LMO3: variants seen among roughly 807,000 people sequenced by gnomAD.
LMO3 encodes the protein LIM domain only protein 3.
A neutral mutation model predicts 15.8 loss-of-function variants in LMO3; 2 were observed. The ratio of observed to expected loss-of-function variants is 0.13; its 90% CI spans 0.05 to 0.40. The LOEUF (loss-of-function observed/expected upper bound fraction) is 0.40. LMO3 is among the 10% of genes least tolerant of loss of function. The pLI is 0.99. For synonymous variants in LMO3, 62 were observed against 63.8 expected, an observed-to-expected ratio of 0.97 and a Z score of 0.13; for missense variants, 86 against 182.2, an observed-to-expected ratio of 0.47 and a Z score of 3.04.
chr12:16,569,840 A>T (rs1942751061), intron 2 of LMO3, among the ~76,000 whole-genome samples: 2 of 152,300 alleles, frequency 1.3e-5, no homozygotes, highest in South Asian at 4.1e-4. Flanking sequence ...AAAATAAAGG[A>T]TAACACATAT....
In LMO3 at chr12:16,560,607, G is replaced by GA; in HGVS notation, c.207-70dup. On this transcript the variant is annotated intron_variant, in intron 2 of 3. Transcript: ENST00000537304. The surrounding 1 kb of genome is among the most constrained non-coding windows in gnomAD (Gnocchi z 5.0). ...GAAATCTGAGATCGTGAAGAGAGAT[G>GA]ATGTTAATATACTCTGTAAAGCTAC... 7.1e-7 allele frequency: 1 copy of GA among 1,401,298 alleles called. No homozygotes were observed. The highest frequency in any genetic ancestry group is 1.0e-6 in the Non-Finnish European group (1 of 1,004,258). The allele number at this position is 1,401,298 out of a possible 1,614,324, so 86.8% of individuals were successfully genotyped here. A position where few individuals can be genotyped will look rare whatever the true frequency, so the allele number is the denominator to read the frequency against.
At chr12:16,558,422 C>T (rs1350696562) in intron 3 of LMO3, among the ~76,000 whole-genome samples, 1 of 151,998 alleles carries the variant, frequency 6.6e-6, no homozygotes, top group Non-Finnish European at 1.5e-5. Flanking sequence ...AGTTGATCAA[C>T]ATGACAAGTC....
rs576570416 is a variant in LMO3, at chr12:16,584,134, G to A, written c.206+16521C>T. 7.2e-5 allele frequency among the ~76,000 whole-genome samples: 11 copies of A among 152,230 alleles called. No homozygotes were observed. In the South Asian group the frequency reaches 2.1e-3, roughly 29 times the overall value. On this transcript the variant is annotated intron_variant, in intron 2 of 3. Transcript: ENST00000537304. This position sits in a 1 kb window ranked among gnomAD's most constrained non-coding sequence, Gnocchi z 5.2. ...AGCCTTTTAGAATCCCTAGAATTGT[G>A]GTAAGAGGGAAATGACAGCAGTGAG...
intron 2 of LMO3, among the ~76,000 whole-genome samples, chr12:16,578,025 T>C (rs1212177367): frequency 6.6e-6 from 1 of 152,232 alleles, no homozygotes. Context: ...TGGAATTAGA[T>C]GTACAATGGA....
intron 3 of LMO3, among the ~76,000 whole-genome samples, chr12:16,553,905 A>G (rs1400675906): frequency 6.6e-6 from 1 of 151,868 alleles, no homozygotes; most frequent in East Asian, 1.9e-4. Context: ...AGTGATAGCC[A>G]GAGGATACTG....
chr12:16,566,353 G>A (rs780245338), intron 2 of LMO3, among the ~76,000 whole-genome samples: 24 of 151,672 alleles, frequency 1.6e-4, no homozygotes, highest in Non-Finnish European at 3.1e-4. Flanking sequence ...GGTGACTATG[G>A]GCAACAGTAA....
chr12:16,582,955 GA>G lies in LMO3; in HGVS notation c.206+17699del, dbSNP rs1293385632. Among the ~76,000 whole-genome samples the G allele has an allele frequency of 6.7e-6, 1 of 148,786 alleles. No individual in the cohort carries two copies. The highest frequency in any genetic ancestry group is 1.5e-5 in the Non-Finnish European group (1 of 67,674). On this transcript the variant is annotated intron_variant, in intron 2 of 3. Coordinates refer to ENST00000537304, the MANE Select transcript of LMO3 (RefSeq NM_018640.5). The surrounding 1 kb of genome is among the most constrained non-coding windows in gnomAD (Gnocchi z 4.1). The stretch of plus-strand genomic sequence containing the variant: ...CCAGCTACTCAGGAGGCTAATGCAG[GA>G]AAATCTCTTGAAGCTGGGAGGCAGA...
rs1051631916 is a variant in LMO3 at position 16,596,432 on chromosome 12, A to C, written c.206+4223T>G. Among the ~76,000 whole-genome samples, 1 of 151,680 alleles carries C rather than the reference A, an allele frequency of 6.6e-6. No homozygotes were observed. The highest frequency in any genetic ancestry group is 2.1e-4 in the South Asian group (1 of 4,834). The stretch of plus-strand genomic sequence containing the variant: ...CACATACCACAGCAAACAGCTTTGA[A>C]TAAACTCTGGCAAGATATCATTCAT... On this transcript the variant is annotated intron_variant, in intron 2 of 3. Transcript: ENST00000537304. The surrounding 1 kb of genome is among the most constrained non-coding windows in gnomAD (Gnocchi z 4.3).
At chr12:16,600,948 T>G in intron 1 of LMO3, 80 bp from the exon 2 acceptor site, 1 of 1,004,438 alleles carries the variant, frequency 1.0e-6, no homozygotes. Context: ...AAATATTTAA[T>G]ATTTCCTTAT....
intron 3 of LMO3, among the ~76,000 whole-genome samples, chr12:16,556,879 AC>A (rs1321588379): frequency 6.6e-6 from 1 of 152,218 alleles, no homozygotes; most frequent in African/African-American, 2.4e-5. Flanking sequence ...CATAACCGGC[AC>A]TAAAGATATG....
intron 2 of LMO3, among the ~76,000 whole-genome samples, chr12:16,564,481 C>CAT (rs1451730517): frequency 1.1e-4 from 17 of 152,312 alleles, no homozygotes; most frequent in African/African-American, 4.1e-4. Flanking sequence ...AAACTCAAGA[C>CAT]ATATACTCAT....
chr12:16,587,462 T>C lies in LMO3; in HGVS notation c.206+13193A>G, dbSNP rs1254550823. Among the ~76,000 whole-genome samples, 2 of 152,194 alleles carry C rather than the reference T, an allele frequency of 1.3e-5. No homozygotes were observed. Among genetic ancestry groups the C allele is most frequent in the Non-Finnish European group, 2.9e-5 (2 of 68,030 alleles). ...GAGAGCAAGGAATTCAAGTTCGATT[T>C]TTTTTTCTTTTACTTTGCCTACTAC... On this transcript the variant is annotated intron_variant, in intron 2 of 3. Coordinates refer to ENST00000537304, the MANE Select transcript of LMO3 (RefSeq NM_018640.5). This position sits in a 1 kb window ranked among gnomAD's most constrained non-coding sequence, Gnocchi z 4.3.
Position 16,548,380 on chromosome 12 carries a change from C to T in LMO3, c.*2842G>A, listed in dbSNP as rs183522484. ...AATTAAGTGCAATCAAATAGTGTAA[C>T]ACCCCTTTTATTAAAAACATAAATC... On this transcript the variant is annotated 3_prime_UTR_variant, in exon 4 of 4. Transcript: ENST00000537304. This position sits in a 1 kb window ranked among gnomAD's most constrained non-coding sequence, Gnocchi z 4.2. 4.6e-5 allele frequency: 7 copies of T among 152,164 alleles called. No individual in the cohort carries two copies. The highest frequency in any genetic ancestry group is 3.3e-4 in the Admixed American group (5 of 15,286). 9.4% of individuals were successfully genotyped at this position (152,164 alleles called of 1,614,324 possible).
rs1296774510 is a variant in LMO3 at position 16,604,706 on chromosome 12, G to C, written c.-9+1360C>G. 1.3e-6 allele frequency: 1 copy of C among 756,248 alleles called. No homozygotes were observed. Among genetic ancestry groups the C allele is most frequent in the Non-Finnish European group, 2.2e-6 (1 of 461,580 alleles). 46.8% of individuals were successfully genotyped at this position (756,248 alleles called of 1,614,324 possible). A position where few individuals can be genotyped will look rare whatever the true frequency, so the allele number is the denominator to read the frequency against. On this transcript the variant is annotated intron_variant, in intron 1 of 3. Transcript: ENST00000537304. This position sits in a 1 kb window ranked among gnomAD's most constrained non-coding sequence, Gnocchi z 5.3. ...TAGCAGTATTTGTTGCATCTAGCAA[G>C]ATTAATTGGTTTAAGCAGCAGTCTT...
In LMO3 at chr12:16,550,975, A is replaced by C; in HGVS notation, c.*247T>G. 1 of 403,012 alleles carries C rather than the reference A, an allele frequency of 2.5e-6. No individual in the cohort carries two copies. Among genetic ancestry groups the C allele is most frequent in the East Asian group, 3.6e-5 (1 of 27,664 alleles). The allele number at this position is 403,012 out of a possible 1,614,324, so 25.0% of individuals were successfully genotyped here. ...ACATCTCATGCCAAGTGACACAAAA[A>C]CGAATAGCAAGCAAAAAAATCCAGC... On this transcript the variant is annotated 3_prime_UTR_variant, in exon 4 of 4. Coordinates refer to ENST00000537304, the MANE Select transcript of LMO3 (RefSeq NM_018640.5).
intron 2 of LMO3, among the ~76,000 whole-genome samples, chr12:16,570,677 G>A (rs533669701): frequency 3.9e-5 from 6 of 152,234 alleles, no homozygotes; most frequent in East Asian, 1.9e-4. Flanking sequence ...AAACACGAAC[G>A]AGTGATTGGT....
intron 2 of LMO3, among the ~76,000 whole-genome samples, chr12:16,580,138 T>C (rs1269630837): frequency 6.6e-6 from 1 of 152,200 alleles, no homozygotes; most frequent in Admixed American, 6.5e-5. Context: ...ACGTTATTTT[T>C]ATTTTTTAAT....
chr12:16,606,163 G>GA (rs66532730), upstream of LMO3: 258 of 145,914 alleles, frequency 1.8e-3, no homozygotes, highest in African/African-American at 5.5e-3. Flanking sequence ...AGCATTGTTT[G>GA]AAAAAAAAAA....
rs549279962 is a variant in LMO3, at chr12:16,585,218, C to T, written c.206+15437G>A. Among the ~76,000 whole-genome samples, 7 of 152,256 alleles carry T rather than the reference C, an allele frequency of 4.6e-5. No individual in the cohort carries two copies. Among genetic ancestry groups the T allele is most frequent in the Admixed American group, 4.6e-4 (7 of 15,292 alleles). Reference sequence around the variant, plus strand: ...CCTGGAGGCAATTGAGTTTGTAATTCCCGTCTTAGCCCTTGGCAAGATAAA... The same window carrying T: ...CCTGGAGGCAATTGAGTTTGTAATTTCCGTCTTAGCCCTTGGCAAGATAAA... On this transcript the variant is annotated intron_variant, in intron 2 of 3. Transcript: ENST00000537304. The surrounding 1 kb of genome is among the most constrained non-coding windows in gnomAD (Gnocchi z 4.7).
Sources: gnomAD v4.1 joint callset for allele counts (sites outside exome capture counted in the v4.1 genomes callset) on GRCh38, gnomAD v4.1.1 for gene constraint, Gnocchi (gnomAD v3.1) non-coding constraint, MANE v1.5 for transcripts, NCBI Gene and HGNC (gene_info 2026-07-23, HGNC 2026-07-21) for gene names.